OR9Q1: variants seen among roughly 807,000 people sequenced by gnomAD.
OR9Q1 encodes olfactory receptor family 9 subfamily Q member 1, also known as olfactory receptor 9Q1.
For missense variants in OR9Q1, 374 were observed against 378.8 expected (o/e 0.99, Z 0.11); for synonymous variants, 153 against 148.6 (o/e 1.03, Z -0.22).
chr11:58,100,159 G>GT (rs1385988380), intron 2 of OR9Q1, among the ~76,000 whole-genome samples: 5 of 152,158 alleles, frequency 3.3e-5, no homozygotes, highest in Non-Finnish European at 5.9e-5. Context: ...AGCAGAAGCT[G>GT]TAAGTCTTCT....
intron 2 of OR9Q1, among the ~76,000 whole-genome samples, chr11:58,174,337 C>T (rs1482236705): frequency 3.3e-5 from 5 of 152,102 alleles, no homozygotes; most frequent in African/African-American, 9.7e-5. Flanking sequence ...CAAGCTGCAG[C>T]TTGGTCAAGT....
rs77323525 is a variant in OR9Q1, at chr11:58,138,708, T to A, written c.-14-40723T>A. On this transcript the variant is annotated intron_variant, in intron 2 of 2. Transcript: ENST00000335397. ...CAGTACAATGTGATGCTTTCATAAA[T>A]GTGTAAAATTTGGAATGATTGAACA... Among the ~76,000 whole-genome samples, 570 of 152,350 alleles carry A rather than the reference T, an allele frequency of 3.7e-3. 4 individuals carry two copies. Among genetic ancestry groups the A allele is most frequent in the African/African-American group, 0.013 (548 of 41,586 alleles).
At chr11:58,131,357 G>A (rs1401105357) in intron 2 of OR9Q1, among the ~76,000 whole-genome samples, 1 of 151,938 alleles carries the variant, frequency 6.6e-6, no homozygotes, top group South Asian at 2.1e-4. Context: ...AGCAGGATGA[G>A]GAATATACAT....
At chr11:58,054,596 T>A (rs1480508867) in intron 1 of OR9Q1, among the ~76,000 whole-genome samples, 1 of 152,220 alleles carries the variant, frequency 6.6e-6, no homozygotes, top group Non-Finnish European at 1.5e-5. Flanking sequence ...GTATGTAAAG[T>A]GCATGAAAAT....
At chr11:58,135,187 C>A (rs184735624) in intron 2 of OR9Q1, among the ~76,000 whole-genome samples, 2 of 152,226 alleles carry the variant, frequency 1.3e-5, no homozygotes, top group East Asian at 3.9e-4. Flanking sequence ...GCTGGTTCTG[C>A]CTTTCTGCTA....
chr11:58,054,933 C>G (rs142973283), intron 1 of OR9Q1, among the ~76,000 whole-genome samples: 1 of 152,290 alleles, frequency 6.6e-6, no homozygotes, highest in African/African-American at 2.4e-5. Context: ...CAAACAACAA[C>G]AAGAACAACA....
Position 58,179,507 on chromosome 11 carries a change from T to G in OR9Q1, c.63T>G (p.Pro21=). 1 of 1,607,126 alleles carries G rather than the reference T, an allele frequency of 6.2e-7. No homozygotes were observed. The highest frequency in any genetic ancestry group is 8.5e-7 in the Non-Finnish European group (1 of 1,176,362). ...EFLLIAFTEY[P]EWALPLFLLF... ...TCCTTATTGCATTCACTGAATATCCTGAATGGGCACTCCCTCTCTTCCTCT... is the reference window on the plus strand; with the variant it reads ...TCCTTATTGCATTCACTGAATATCCGGAATGGGCACTCCCTCTCTTCCTCT... Residue 21 remains proline (P), a synonymous_variant, in exon 3 of 3, where the codon CCT becomes CCG. Coordinates refer to ENST00000335397, the MANE Select transcript of OR9Q1 (RefSeq NM_001005212.4).
rs1475730421 is a variant in OR9Q1 at position 58,181,588 on chromosome 11, TCCAAAA to T, written c.*1219_*1224del. ...CTAAAAAAAAAAAAAAAAAAAAAAA[TCCAAAA>T]CCAAAACAACAACAACAAAAAATCC... On this transcript the variant is annotated 3_prime_UTR_variant, in exon 3 of 3. Coordinates refer to ENST00000335397, the MANE Select transcript of OR9Q1 (RefSeq NM_001005212.4). 4.9e-5 allele frequency: 6 copies of T among 122,518 alleles called. No homozygotes were observed. Among genetic ancestry groups the T allele is most frequent in the Admixed American group, 8.3e-5 (1 of 12,094 alleles). 7.6% of individuals were successfully genotyped at this position (122,518 alleles called of 1,614,324 possible).
At chr11:58,103,867 A>G (rs970786326) in intron 2 of OR9Q1, among the ~76,000 whole-genome samples, 2 of 152,154 alleles carry the variant, frequency 1.3e-5, no homozygotes, top group African/African-American at 4.8e-5. Flanking sequence ...AATCCATATT[A>G]GTAGTGTTTG....
intron 2 of OR9Q1, among the ~76,000 whole-genome samples, chr11:58,070,267 T>G (rs1590570674): frequency 6.6e-6 from 1 of 151,944 alleles, no homozygotes; most frequent in Non-Finnish European, 1.5e-5. Context: ...CTGCTCGCCT[T>G]GGCCTCCCAA....
chr11:58,058,656 C>T (rs1306675971), intron 2 of OR9Q1, among the ~76,000 whole-genome samples: 2 of 152,184 alleles, frequency 1.3e-5, no homozygotes, highest in Non-Finnish European at 2.9e-5. Flanking sequence ...CAGACAATGA[C>T]GGTGGCAGCA....
At position 58,181,006 on chromosome 11, in the gene OR9Q1, G is replaced by C. The variant is rs535594462; in HGVS notation, c.*629G>C. 1.2e-5 allele frequency: 2 copies of C among 166,938 alleles called. No homozygotes were observed. Among genetic ancestry groups the C allele is most frequent in the Non-Finnish European group, 2.9e-5 (2 of 68,082 alleles). The allele number at this position is 166,938 out of a possible 1,614,324, so 10.3% of individuals were successfully genotyped here. A position where few individuals can be genotyped will look rare whatever the true frequency, so the allele number is the denominator to read the frequency against. On this transcript the variant is annotated 3_prime_UTR_variant, in exon 3 of 3. Transcript: ENST00000335397. ...CTATGGTCGTTTGATGATCCAATTAGCAAAGCTGACCCTACTCAAGGTATG... is the reference window on the plus strand; with the variant it reads ...CTATGGTCGTTTGATGATCCAATTACCAAAGCTGACCCTACTCAAGGTATG...
intron 2 of OR9Q1, among the ~76,000 whole-genome samples, chr11:58,178,903 TA>T (rs796665382): frequency 9.9e-6 from 1 of 101,228 alleles, no homozygotes; most frequent in Non-Finnish European, 2.4e-5. Flanking sequence ...ATTTATATAT[TA>T]TATATATTAT....
At chr11:58,173,348 C>T (rs1439118388) in intron 2 of OR9Q1, among the ~76,000 whole-genome samples, 3 of 137,944 alleles carry the variant, frequency 2.2e-5, no homozygotes, top group East Asian at 2.2e-4. Flanking sequence ...CATGTGTTCT[C>T]GTTGTTCAAT....
At chr11:58,104,009 C>G (rs61904054) in intron 2 of OR9Q1, among the ~76,000 whole-genome samples, 25,948 of 152,070 alleles carry the variant, frequency 0.17, 2,344 homozygotes, top group Non-Finnish European at 0.21. Context: ...AGCATGGATA[C>G]TTTTGGAGTA....
intron 2 of OR9Q1, among the ~76,000 whole-genome samples, chr11:58,059,687 CAAAAAAAAAAAAAAAAA>C (rs58893511): frequency 7.5e-5 from 3 of 40,186 alleles, no homozygotes; most frequent in South Asian, 2.4e-3. Flanking sequence ...GGCTCTGTCT[CAAAAAAAAAAAAAAAAA>C]AAAAAAAAAA....
intron 2 of OR9Q1, among the ~76,000 whole-genome samples, chr11:58,065,705 T>C (rs1363038524): frequency 2.0e-5 from 3 of 152,148 alleles, no homozygotes; most frequent in Non-Finnish European, 4.4e-5. Flanking sequence ...AGGCAGAAGT[T>C]GCTGGGCTCT....
chr11:58,132,537 TTATCTA>T (rs929494331), intron 2 of OR9Q1, among the ~76,000 whole-genome samples: 1 of 152,236 alleles, frequency 6.6e-6, no homozygotes, highest in African/African-American at 2.4e-5. Flanking sequence ...TCTGGGTACT[TTATCTA>T]TAGTTAATTA....
intron 2 of OR9Q1, among the ~76,000 whole-genome samples, chr11:58,109,893 C>T (rs1012288133): frequency 3.3e-5 from 5 of 152,162 alleles, no homozygotes; most frequent in African/African-American, 1.2e-4. Context: ...TTCAAATTCA[C>T]TTGCTTATTG....
Sources: allele counts gnomAD v4.1 joint callset (sites outside exome capture counted in the v4.1 genomes callset), GRCh38; gene constraint gnomAD v4.1.1; transcripts MANE v1.5; gene names NCBI Gene and HGNC (gene_info 2026-07-23, HGNC 2026-07-21).